Variants in INPP5B observed in about 807,000 individuals in gnomAD.
The protein encoded by INPP5B is inositol polyphosphate-5-phosphatase B, also known as type II inositol 1,4,5-trisphosphate 5-phosphatase.
INPP5B carries 90 observed loss-of-function variants against 118.5 expected under a neutral mutation model. That is an observed-to-expected ratio of 0.76 (90% CI 0.64 to 0.90). The LOEUF is 0.90. INPP5B is among the 40% of genes least tolerant of loss of function. The pLI, the probability that INPP5B is intolerant of heterozygous loss-of-function variation, is 0.00. For synonymous variants in INPP5B, 385 were observed against 418.9 expected, an observed-to-expected ratio of 0.92 and a Z score of 0.99; for missense variants, 984 against 1,125.6, an observed-to-expected ratio of 0.87 and a Z score of 1.80.
At chr1:37,896,970 C>T (rs553183018) in intron 7 of INPP5B, among the ~76,000 whole-genome samples, 6 of 112,542 alleles carry the variant, frequency 5.3e-5, no homozygotes, top group East Asian at 6.4e-4. Context: ...CCGCCCCGTC[C>T]GGGAGGGAGG....
At chr1:37,943,511 C>T in intron 5 of INPP5B, 129 bp downstream of exon 5, 5 of 922,824 alleles carry the variant, frequency 5.4e-6, no homozygotes, top group Non-Finnish European at 8.4e-6. Context: ...TGGGCTGTGC[C>T]AGATCCTACA....
At position 37,940,900 on chromosome 1, in the gene INPP5B, G is replaced by T; in HGVS notation, c.281-102C>A. On this transcript the variant is annotated intron_variant, in intron 5 of 23. Coordinates refer to ENST00000373024, the MANE Select transcript of INPP5B (RefSeq NM_005540.3). ...AGAATCAGCAACCCAGACTCCCAAA[G>T]CCCCTTCAGCCCTTAAGCAACTTAC... 3 of 721,542 alleles carry T rather than the reference G, an allele frequency of 4.2e-6. No homozygotes were observed. The South Asian group carries it at 5.3e-5, about 13-fold the overall frequency. The allele number at this position is 721,542 out of a possible 1,614,324, so 44.7% of individuals were successfully genotyped here. A position where few individuals can be genotyped will look rare whatever the true frequency, so the allele number is the denominator to read the frequency against.
At chr1:37,924,055 G>A (rs1645143154) in intron 7 of INPP5B, among the ~76,000 whole-genome samples, 1 of 152,100 alleles carries the variant, frequency 6.6e-6, no homozygotes, top group Admixed American at 6.5e-5. Context: ...TGAGATTACA[G>A]GCCTGAGCCA....
chr1:37,939,471 A>G (rs1363989363), intron 6 of INPP5B, among the ~76,000 whole-genome samples: 7 of 140,096 alleles, frequency 5.0e-5, no homozygotes, highest in Non-Finnish European at 1.1e-4. Flanking sequence ...TTTGAGATGG[A>G]GTCTTGCTCT....
chr1:37,926,919 A>G (rs1411492879), intron 7 of INPP5B, among the ~76,000 whole-genome samples: 1 of 152,168 alleles, frequency 6.6e-6, no homozygotes, highest in Non-Finnish European at 1.5e-5. Flanking sequence ...GGAAAGAAAA[A>G]GCTGCAAAAG....
chr1:37,927,651 C>T (rs988701559), intron 7 of INPP5B, among the ~76,000 whole-genome samples: 6 of 151,958 alleles, frequency 3.9e-5, no homozygotes, highest in Admixed American at 2.6e-4. Flanking sequence ...ATTCTCCTGC[C>T]TCAGCCTCCC....
chr1:37,945,072 T>G (rs1646068571), intron 3 of INPP5B, among the ~76,000 whole-genome samples: 1 of 151,994 alleles, frequency 6.6e-6, no homozygotes, highest in East Asian at 1.9e-4. Context: ...AGTTCCAGCA[T>G]GCAGCTATGA....
At chr1:37,876,757 G>A (rs1283535140) in intron 16 of INPP5B, among the ~76,000 whole-genome samples, 4 of 150,048 alleles carry the variant, frequency 2.7e-5, no homozygotes, top group African/African-American at 9.8e-5. Flanking sequence ...GCGCCTGCCT[G>A]TAGTCCCAGC....
At chr1:37,894,587 G>A (rs1485089462) in intron 7 of INPP5B, among the ~76,000 whole-genome samples, 6 of 148,998 alleles carry the variant, frequency 4.0e-5, no homozygotes, top group African/African-American at 1.5e-4. Flanking sequence ...TTTGAGACAG[G>A]GTCTCGCTCT....
rs1557638333 is a variant in INPP5B at position 37,880,158 on chromosome 1, C to T, written c.1468G>A (p.Gly490Ser). 17 of 1,610,208 alleles carry T rather than the reference C, an allele frequency of 1.1e-5. No individual in the cohort carries two copies. Among genetic ancestry groups the T allele is most frequent in the Non-Finnish European group, 1.4e-5 (16 of 1,177,228 alleles). ...IQVAAKTVFE[G>S]FTEGELTFQP... Reference sequence around the variant, plus strand: ...AATGTGAGCTCACCCTCTGTGAAGCCTTCAAAGACAGTCTTTGCGGCCACC... The same window carrying T: ...AATGTGAGCTCACCCTCTGTGAAGCTTTCAAAGACAGTCTTTGCGGCCACC... The change falls in exon 15 of 24, where the codon GGC becomes AGC. Residue 490 changes from glycine to serine, a missense_variant. Physicochemically the swap from Gly to Ser is moderately conservative, Grantham distance 56. Around this residue, in one of 2 missense-constraint regions of INPP5B, gnomAD observed 634 missense variants for 791.0 expected, o/e 0.80. Coordinates refer to ENST00000373024, the MANE Select transcript of INPP5B (RefSeq NM_005540.3).
chr1:37,874,261 C>A, intron 17 of INPP5B, 106 bp from the exon 18 acceptor site: 1 of 787,996 alleles, frequency 1.3e-6, no homozygotes, highest in Non-Finnish European at 1.9e-6. Flanking sequence ...TGAACCATCT[C>A]TTTTAAATGT....
At chr1:37,937,370 G>A (rs1389238350) in intron 6 of INPP5B, among the ~76,000 whole-genome samples, 1 of 152,032 alleles carries the variant, frequency 6.6e-6, no homozygotes, top group Non-Finnish European at 1.5e-5. Flanking sequence ...GGTAGCTCAC[G>A]CCTGTAATCC....
intron 17 of INPP5B, among the ~76,000 whole-genome samples, chr1:37,874,967 A>C (rs753514259): frequency 3.0e-4 from 46 of 152,176 alleles, no homozygotes; most frequent in Non-Finnish European, 5.4e-4. Context: ...CCATTAACTC[A>C]TGGGTATCCA....
intron 17 of INPP5B, among the ~76,000 whole-genome samples, chr1:37,875,218 C>G (rs1439525993): frequency 6.6e-6 from 1 of 152,140 alleles, no homozygotes; most frequent in Non-Finnish European, 1.5e-5. Context: ...TCCTAGAACT[C>G]TGAGCTCCAA....
intron 9 of INPP5B, 31 bp from the exon 10 acceptor site, chr1:37,888,375 C>A (rs201349318): frequency 1.5e-5 from 20 of 1,349,030 alleles, no homozygotes; most frequent in African/African-American, 4.5e-5. Flanking sequence ...TTAGTGACTC[C>A]GAATCACTAT....
At chr1:37,898,957 G>A (rs185687820) in intron 7 of INPP5B, among the ~76,000 whole-genome samples, 78 of 152,062 alleles carry the variant, frequency 5.1e-4, no homozygotes, top group African/African-American at 1.8e-3. Flanking sequence ...TGAGGCAGGC[G>A]GATCCCCTGA....
At position 37,889,496 on chromosome 1, in the gene INPP5B, A is replaced by C; in HGVS notation, c.797+61T>G. On this transcript the variant is annotated intron_variant, in intron 9 of 23. Transcript: ENST00000373024. ...AATCCAGGTATAGGAGGAAGTGCTC[A>C]AATTCCAGAGTGCCAAATGATCATT... 2.2e-6 allele frequency: 3 copies of C among 1,378,410 alleles called. No homozygotes were observed. In the South Asian group the frequency reaches 4.0e-5, roughly 18 times the overall value. The allele number at this position is 1,378,410 out of a possible 1,614,324, so 85.4% of individuals were successfully genotyped here.
At chr1:37,896,460 G>C (rs1243619157) in intron 7 of INPP5B, among the ~76,000 whole-genome samples, 2 of 141,276 alleles carry the variant, frequency 1.4e-5, no homozygotes, top group Admixed American at 6.9e-5. Flanking sequence ...TGCCCCGTCC[G>C]GGAGGGAGGT....
intron 21 of INPP5B, 57 bp downstream of exon 21, chr1:37,866,402 T>TCACACACACACACACACA (rs770631435): frequency 8.8e-6 from 6 of 681,772 alleles, no homozygotes; most frequent in African/African-American, 2.1e-5. Flanking sequence ...TCTCTCTCTC[T>TCACACACACACACACACA]CTCTCACACA....
Sources: gnomAD v4.1 joint callset for allele counts (sites outside exome capture counted in the v4.1 genomes callset) on GRCh38, gnomAD v4.1.1 for gene constraint, gnomAD v4.1.1 regional missense constraint, MANE v1.5 for transcripts, NCBI Gene and HGNC (gene_info 2026-07-23, HGNC 2026-07-21) for gene names.